Variants in YAP1 observed in about 807,000 individuals in gnomAD.
YAP1 encodes the protein transcriptional coactivator YAP1.
YAP1 carries 5 observed loss-of-function variants against 56.9 expected under a neutral mutation model. That is an observed-to-expected ratio of 0.09 (90% CI 0.05 to 0.18). The LOEUF is 0.18. Among genes scored for constraint, YAP1 ranks in the 10% least tolerant of loss-of-function variants. YAP1 has a pLI of 1.00. For synonymous variants in YAP1, 265 were observed against 248.1 expected, an observed-to-expected ratio of 1.07 and a Z score of -0.64; for missense variants, 539 against 651.8, an observed-to-expected ratio of 0.83 and a Z score of 1.88.
rs570025129 is a variant in YAP1, at chr11:102,210,957, G to T, written c.1032+1393G>T. Among the ~76,000 whole-genome samples, 4 of 152,136 alleles carry T rather than the reference G, an allele frequency of 2.6e-5. No homozygotes were observed. In the East Asian group the frequency reaches 7.7e-4, roughly 29 times the overall value. On this transcript the variant is annotated intron_variant, in intron 6 of 8. Transcript: ENST00000282441. ...TTTTTAGTAGAGACGGGGTTTCACA[G>T]TGTTAGCCAGGATGGTCTCGATCTC...
chr11:102,133,577 A>G lies in YAP1; in HGVS notation c.572+19183A>G, dbSNP rs149930818. 2.7e-3 allele frequency among the ~76,000 whole-genome samples: 410 copies of G among 152,366 alleles called. 1 individual carries two copies. Among genetic ancestry groups the G allele is most frequent in the African/African-American group, 9.4e-3 (390 of 41,592 alleles). On this transcript the variant is annotated intron_variant, in intron 2 of 8. Coordinates refer to ENST00000282441, the MANE Select transcript of YAP1 (RefSeq NM_001130145.3). The stretch of plus-strand genomic sequence containing the variant: ...CTCCCACAGGGCTGGGATTACAGGC[A>G]TAAGCCACCACGCCTGGCCTAGAAT...
intron 5 of YAP1, among the ~76,000 whole-genome samples, chr11:102,209,000 TC>T (rs1421939610): frequency 2.6e-5 from 4 of 152,180 alleles, no homozygotes; most frequent in Non-Finnish European, 5.9e-5. Context: ...TAGCTTCACT[TC>T]CTTTAAAGGT....
chr11:102,116,837 G>T (rs1943315107), intron 2 of YAP1, among the ~76,000 whole-genome samples: 1 of 152,074 alleles, frequency 6.6e-6, no homozygotes, highest in Non-Finnish European at 1.5e-5. Context: ...AGTTTTCCTG[G>T]ACAGGTAAAT....
intron 4 of YAP1, among the ~76,000 whole-genome samples, chr11:102,199,493 CT>C (rs972105955): frequency 2.0e-5 from 3 of 152,024 alleles, no homozygotes; most frequent in African/African-American, 7.2e-5. Context: ...TAGCCATTTA[CT>C]TTTTATAAAG....
At chr11:102,201,468 A>C (rs924797868) in intron 4 of YAP1, among the ~76,000 whole-genome samples, 59 of 152,372 alleles carry the variant, frequency 3.9e-4, no homozygotes, top group African/African-American at 1.4e-3. Context: ...ACAGAATGTC[A>C]TAAGTACACC....
intron 5 of YAP1, among the ~76,000 whole-genome samples, chr11:102,207,409 C>T (rs540145207): frequency 5.9e-5 from 9 of 151,942 alleles, no homozygotes; most frequent in African/African-American, 1.7e-4. Flanking sequence ...TCGTCATACT[C>T]GGCCAGGCAT....
At chr11:102,207,159 G>C (rs999429216) in intron 5 of YAP1, among the ~76,000 whole-genome samples, 1 of 152,050 alleles carries the variant, frequency 6.6e-6, no homozygotes, top group Non-Finnish European at 1.5e-5. Flanking sequence ...TTTTTGAATA[G>C]ATAATAGAAA....
chr11:102,130,946 A>G (rs1475046267), intron 2 of YAP1, among the ~76,000 whole-genome samples: 2 of 151,948 alleles, frequency 1.3e-5, no homozygotes, highest in Admixed American at 6.6e-5. Flanking sequence ...GAAAATAGTC[A>G]CTGTTTCTTT....
At chr11:102,158,009 C>T (rs1004108115) in intron 2 of YAP1, among the ~76,000 whole-genome samples, 2 of 152,110 alleles carry the variant, frequency 1.3e-5, no homozygotes, top group African/African-American at 4.8e-5. Flanking sequence ...TATTAAATTC[C>T]TAACGCCTAA....
chr11:102,146,851 A>G (rs1450946855), intron 2 of YAP1, among the ~76,000 whole-genome samples: 1 of 152,158 alleles, frequency 6.6e-6, no homozygotes, highest in Non-Finnish European at 1.5e-5. Flanking sequence ...CACGACAACT[A>G]ATAATTTGTG....
chr11:102,164,698 G>GT (rs1200787189), intron 3 of YAP1, among the ~76,000 whole-genome samples: 3 of 152,028 alleles, frequency 2.0e-5, no homozygotes, highest in Non-Finnish European at 4.4e-5. Context: ...TCAAAGGTAT[G>GT]TATCAACTTG....
At chr11:102,158,889 A>G (rs1946110073) in intron 2 of YAP1, among the ~76,000 whole-genome samples, 1 of 152,226 alleles carries the variant, frequency 6.6e-6, no homozygotes, top group Non-Finnish European at 1.5e-5. Context: ...AAAACACACA[A>G]TCAAGAATTT....
At chr11:102,128,300 G>A (rs979197432) in intron 2 of YAP1, among the ~76,000 whole-genome samples, 3 of 152,120 alleles carry the variant, frequency 2.0e-5, no homozygotes, top group African/African-American at 7.2e-5. Flanking sequence ...TCGGCGGGGG[G>A]TAATTGAATT....
Position 102,111,126 on chromosome 11 carries a change from A to C in YAP1, c.278A>C (p.Asp93Ala), listed in dbSNP as rs1942870928. The change falls in exon 1 of 9, where the codon GAC becomes GCC. Residue 93 changes from aspartate to alanine, a missense_variant. This residue lies in a region of YAP1 where 414 missense variants were observed against 512.4 expected (regional missense o/e 0.81). Coordinates refer to ENST00000282441, the MANE Select transcript of YAP1 (RefSeq NM_001130145.3). The part of the protein sequence containing the change: ...TVPMRLRKLP[D>A]SFFKPPEPKS... ...CCCATGAGGCTCCGGAAGCTGCCCG[A>C]CTCCTTCTTCAAGCCGCCGGAGCCC... is the stretch of plus-strand genomic sequence containing the variant. 1.2e-6 allele frequency: 2 copies of C among 1,611,582 alleles called. No homozygotes were observed. The highest frequency in any genetic ancestry group is 1.7e-6 in the Non-Finnish European group (2 of 1,179,386).
At position 102,140,191 on chromosome 11, in the gene YAP1, T is replaced by TA. The variant is rs10692005; in HGVS notation, c.573-22254dup. 7.6e-3 allele frequency among the ~76,000 whole-genome samples: 1,131 copies of TA among 149,318 alleles called. 4 individuals carry two copies. The highest frequency in any genetic ancestry group is 0.024 in the Middle Eastern group (7 of 290). ...TGTTGCATGTTATTCTCTGTCCCTG[T>TA]AAAAAAAAAAATCTGTATTTTTCCA... On this transcript the variant is annotated intron_variant, in intron 2 of 8. Coordinates refer to ENST00000282441, the MANE Select transcript of YAP1 (RefSeq NM_001130145.3).
chr11:102,224,950 AC>A (rs943044764), intron 7 of YAP1, among the ~76,000 whole-genome samples: 1 of 152,166 alleles, frequency 6.6e-6, no homozygotes, highest in Non-Finnish European at 1.5e-5. Context: ...TAAAAATTAG[AC>A]CATTTTAAAA....
Position 102,159,405 on chromosome 11 carries a change from T to C in YAP1, c.573-3051T>C, listed in dbSNP as rs557004619. ...GGTCCAGAAACATTTTTATCATTTC[T>C]GTTCCTTGCCTTCAAACCTGTGGCA... is the stretch of plus-strand genomic sequence containing the variant. On this transcript the variant is annotated intron_variant, in intron 2 of 8. Coordinates refer to ENST00000282441, the MANE Select transcript of YAP1 (RefSeq NM_001130145.3). 3.6e-3 allele frequency among the ~76,000 whole-genome samples: 547 copies of C among 152,372 alleles called. 1 individual carries two copies. Among genetic ancestry groups the C allele is most frequent in the Middle Eastern group, 0.01 (3 of 294 alleles).
intron 7 of YAP1, among the ~76,000 whole-genome samples, chr11:102,224,192 C>G (rs1950084705): frequency 1.3e-5 from 2 of 152,308 alleles, no homozygotes; most frequent in South Asian, 4.1e-4. Flanking sequence ...GCCTCATGTT[C>G]TTAAGGGCTA....
chr11:102,141,621 A>T (rs1945030261), intron 2 of YAP1, among the ~76,000 whole-genome samples: 2 of 152,250 alleles, frequency 1.3e-5, no homozygotes, highest in African/African-American at 4.8e-5. Flanking sequence ...GAATAGACAG[A>T]ATAGGATTTT....
Sources: gnomAD v4.1 joint callset for allele counts (sites outside exome capture counted in the v4.1 genomes callset) on GRCh38, gnomAD v4.1.1 for gene constraint, gnomAD v4.1.1 regional missense constraint, MANE v1.5 for transcripts, NCBI Gene and HGNC (gene_info 2026-07-23, HGNC 2026-07-21) for gene names.